Variants in XRCC1 observed in about 807,000 individuals in gnomAD.
The protein encoded by XRCC1 is DNA repair protein XRCC1.
A neutral mutation model predicts 83.3 loss-of-function variants in XRCC1; 52 were observed. The ratio of observed to expected loss-of-function variants is 0.62; its 90% CI spans 0.50 to 0.79. XRCC1 has a LOEUF of 0.79. Among genes scored for constraint, XRCC1 ranks in the 30% least tolerant of loss-of-function variants. The probability of loss-of-function intolerance (pLI) is 0.00; values close to 1 mark genes in which losing one functional copy is unlikely to be tolerated. For missense variants in XRCC1, 793 were observed against 823.5 expected (o/e 0.96, Z 0.45); for synonymous variants, 281 against 312.6 (o/e 0.90, Z 1.07).
intron 14 of XRCC1, among the ~76,000 whole-genome samples, chr19:43,544,833 G>A (rs1265757280): frequency 1.4e-5 from 2 of 139,198 alleles, no homozygotes; most frequent in South Asian, 2.5e-4. Context: ...GTTTTGTAAA[G>A]GCGGGGGTCG....
Position 43,553,670 on chromosome 19 carries a change from C to T in XRCC1, c.428G>A (p.Gly143Asp), listed in dbSNP as rs750201552. 1 of 1,540,510 alleles carries T rather than the reference C, an allele frequency of 6.5e-7. No individual in the cohort carries two copies. The highest frequency in any genetic ancestry group is 8.8e-7 in the Non-Finnish European group (1 of 1,139,628). ...SQPYSKDSPF[G>D]LSFVRFHSPP... is the part of the protein sequence containing the mutation. ...GCTATGAAACCGTACAAAACTCAAG[C>T]CAAAGGGGGAGTCCTGGGAAAGGAG... Residue 143 changes from glycine (G) to aspartate (D), a missense_variant, in exon 5 of 17, where the codon GGC (glycine) becomes GAC (aspartate). Transcript: ENST00000262887.
intron 2 of XRCC1, among the ~76,000 whole-genome samples, chr19:43,563,857 T>C (rs1972725718): frequency 6.6e-6 from 1 of 152,230 alleles, no homozygotes; most frequent in Non-Finnish European, 1.5e-5. Flanking sequence ...CTTTTTTGTT[T>C]GTATTTGTCT....
At chr19:43,545,981 G>A in intron 13 of XRCC1, 24 bp from the exon 14 acceptor site, 1 of 1,613,788 alleles carries the variant, frequency 6.2e-7, no homozygotes, top group Non-Finnish European at 8.5e-7. Flanking sequence ...GAGGAGTAGA[G>A]AGTGAGCATG....
Position 43,546,744 on chromosome 19 carries a change from G to C in XRCC1, c.1294-17C>G. 1.2e-6 allele frequency: 2 copies of C among 1,603,634 alleles called. No individual in the cohort carries two copies. The stretch of plus-strand genomic sequence containing the variant: ...CTGGGGTTGCTAAGGAGGGAGAGTG[G>C]GTGGGTGAGGAGGGCAGGAACAGTG... On this transcript the variant is annotated splice_polypyrimidine_tract_variant and intron_variant, in intron 11 of 16. Coordinates refer to ENST00000262887, the MANE Select transcript of XRCC1 (RefSeq NM_006297.3).
At chr19:43,561,444 C>T (rs1435266304) in intron 2 of XRCC1, among the ~76,000 whole-genome samples, 2 of 152,318 alleles carry the variant, frequency 1.3e-5, no homozygotes, top group Middle Eastern at 3.4e-3. Context: ...GGGCTTTGTC[C>T]GATCTTGCTC....
chr19:43,562,244 C>T (rs983484494), intron 2 of XRCC1, among the ~76,000 whole-genome samples: 3 of 152,080 alleles, frequency 2.0e-5, no homozygotes, highest in African/African-American at 7.2e-5. Flanking sequence ...CTGTTGCCTC[C>T]CTGTCAGATC....
intron 2 of XRCC1, among the ~76,000 whole-genome samples, chr19:43,563,328 A>C (rs1191359230): frequency 1.3e-5 from 2 of 152,168 alleles, no homozygotes; most frequent in African/African-American, 2.4e-5. Context: ...CTCTACTAAA[A>C]ATATGAAAAT....
intron 12 of XRCC1, 82 bp downstream of exon 12, chr19:43,546,513 A>C: frequency 6.8e-7 from 1 of 1,478,034 alleles, no homozygotes; most frequent in Admixed American, 2.3e-5. Flanking sequence ...CTCCTCCCTC[A>C]GACTCAGGAG....
intron 10 of XRCC1, among the ~76,000 whole-genome samples, chr19:43,549,783 T>G (rs1305193528): frequency 6.6e-6 from 1 of 152,186 alleles, no homozygotes; most frequent in Non-Finnish European, 1.5e-5. Context: ...TATAGTTATT[T>G]TTTTTTAGTT....
chr19:43,546,128 A>G (rs774101290), intron 12 of XRCC1, 22 bp from the exon 13 acceptor site: 5 of 1,613,572 alleles, frequency 3.1e-6, no homozygotes, highest in Non-Finnish European at 4.2e-6. Context: ...AGCTCAGTCA[A>G]TGCAAGGCTG....
At chr19:43,557,498 G>C (rs1972650218) in intron 3 of XRCC1, among the ~76,000 whole-genome samples, 1 of 152,014 alleles carries the variant, frequency 6.6e-6, no homozygotes, top group African/African-American at 2.4e-5. Context: ...AAGGAAACAA[G>C]AAAGACAATT....
rs770017879 is a variant in XRCC1 at position 43,551,696 on chromosome 19, G to A, written c.1083-9C>T. 1.9e-6 allele frequency: 3 copies of A among 1,610,810 alleles called. No homozygotes were observed. The highest frequency in any genetic ancestry group is 4.5e-5 in the East Asian group (2 of 44,876). On this transcript the variant is annotated splice_polypyrimidine_tract_variant and intron_variant, in intron 9 of 16. Transcript: ENST00000262887. ...TGTTGGCAAAGGCACAGCTGGTGGG[G>A]GGCAGAAGTGAAGATGCCAGTTAGG...
In XRCC1 at chr19:43,552,951, C is replaced by T. The variant is rs748615713; in HGVS notation, c.711+31G>A. On this transcript the variant is annotated intron_variant, in intron 7 of 16. Coordinates refer to ENST00000262887, the MANE Select transcript of XRCC1 (RefSeq NM_006297.3). ...GATTGAGGCCTCCAGCTTCTCTCCTCCTCCACCCCACCAAAGTCTGATGAT... is the reference window on the plus strand; with the variant it reads ...GATTGAGGCCTCCAGCTTCTCTCCTTCTCCACCCCACCAAAGTCTGATGAT... 6.2e-6 allele frequency: 10 copies of T among 1,609,536 alleles called. No homozygotes were observed. In the Admixed American group the frequency reaches 6.8e-5, roughly 11 times the overall value.
chr19:43,560,851 G>T, intron 3 of XRCC1, 59 bp downstream of exon 3: 1 of 1,406,964 alleles, frequency 7.1e-7, no homozygotes, highest in Non-Finnish European at 1.0e-6. Context: ...TGGGGGAGAC[G>T]GTGATGCGAG....
At chr19:43,572,761 AG>A (rs1300293814) in intron 2 of XRCC1, among the ~76,000 whole-genome samples, 12 of 152,262 alleles carry the variant, frequency 7.9e-5, no homozygotes, top group Non-Finnish European at 1.8e-4. Context: ...TGGGAAGTGG[AG>A]GCCATTAGTT....
intron 2 of XRCC1, among the ~76,000 whole-genome samples, chr19:43,563,457 C>T (rs982872070): frequency 6.6e-6 from 1 of 152,190 alleles, no homozygotes; most frequent in African/African-American, 2.4e-5. Context: ...TGTGCCACTG[C>T]ACTCCAGCTT....
At chr19:43,557,428 C>G (rs1486308170) in intron 3 of XRCC1, among the ~76,000 whole-genome samples, 2 of 151,936 alleles carry the variant, frequency 1.3e-5, no homozygotes, top group South Asian at 2.1e-4. Context: ...GACAATAAAG[C>G]CTTTTGCTGA....
chr19:43,558,940 C>G (rs2146059081), intron 3 of XRCC1, among the ~76,000 whole-genome samples: 1 of 151,126 alleles, frequency 6.6e-6, no homozygotes, highest in South Asian at 2.1e-4. Flanking sequence ...GAGTTCAAGA[C>G]CAGCCAGGCA....
At position 43,551,599 on chromosome 19, in the gene XRCC1, G is replaced by A. The variant is rs747185141; in HGVS notation, c.1171C>T (p.Arg391Cys). The A allele has an allele frequency of 1.2e-5, 19 of 1,614,074 alleles. No individual in the cohort carries two copies. Among genetic ancestry groups the A allele is most frequent in the East Asian group, 4.5e-5 (2 of 44,886 alleles). Residue 391 changes from arginine (R) to cysteine (C), a missense_variant, in exon 10 of 17, where the codon CGC becomes TGC. Transcript: ENST00000262887. Reference sequence around the variant, plus strand: ...TGGGAGGGCAGCCGCCGACGCATGCGGTGACAGTCCAGCACCCACTCCTTA... The same window carrying A: ...TGGGAGGGCAGCCGCCGACGCATGCAGTGACAGTCCAGCACCCACTCCTTA... Reference protein sequence around the residue: ...VRKEWVLDCHRMRRRLPSQRY... With the variant: ...VRKEWVLDCHCMRRRLPSQRY...
Sources: gnomAD v4.1 joint callset for allele counts (sites outside exome capture counted in the v4.1 genomes callset) on GRCh38, gnomAD v4.1.1 for gene constraint, MANE v1.5 for transcripts, NCBI Gene and HGNC (gene_info 2026-07-23, HGNC 2026-07-21) for gene names.